The following PDE9A variants were observed in gnomAD, a reference collection of about 807,000 sequenced individuals.
PDE9A encodes high affinity cGMP-specific 3',5'-cyclic phosphodiesterase 9A.
A neutral mutation model predicts 87.4 loss-of-function variants in PDE9A; 60 were observed. The ratio of observed to expected loss-of-function variants is 0.69; its 90% CI spans 0.56 to 0.85. The LOEUF (loss-of-function observed/expected upper bound fraction) is 0.85. Among genes scored for constraint, PDE9A ranks in the 40% least tolerant of loss-of-function variants. The pLI, the probability that PDE9A is intolerant of heterozygous loss-of-function variation, is 0.00. For synonymous variants in PDE9A, 272 were observed against 279.4 expected, an observed-to-expected ratio of 0.97 and a Z score of 0.27; for missense variants, 665 against 779.0, an observed-to-expected ratio of 0.85 and a Z score of 1.74.
rs777268569 is a variant in PDE9A, at chr21:42,760,436, G to A, written c.1002+4G>A. 12 of 1,554,112 alleles carry A rather than the reference G, an allele frequency of 7.7e-6. No homozygotes were observed. On this transcript the variant is annotated splice_donor_region_variant and intron_variant, in intron 12 of 19. Transcript: ENST00000291539. This position sits in a 1 kb window ranked among gnomAD's most constrained non-coding sequence, Gnocchi z 5.2. The stretch of plus-strand genomic sequence containing the variant: ...GGTCTGGCTCTGCAGTCTCCAGGTG[G>A]GTCCTGCCCGCTGCACACCCAGACC...
At chr21:42,768,923 G>A in intron 16 of PDE9A, 104 bp from the exon 17 acceptor site, 1 of 1,509,230 alleles carries the variant, frequency 6.6e-7, no homozygotes, top group African/African-American at 1.4e-5. Context: ...GTGTGGTTTG[G>A]TTGGTTGGTG....
intron 19 of PDE9A, among the ~76,000 whole-genome samples, chr21:42,773,884 C>T (rs901292364): frequency 1.3e-5 from 2 of 151,220 alleles, no homozygotes; most frequent in Admixed American, 6.6e-5. Context: ...GTGGACGGAT[C>T]ACAAGGTCAG....
chr21:42,674,744 A>G (rs923285505), intron 1 of PDE9A, among the ~76,000 whole-genome samples: 3 of 152,168 alleles, frequency 2.0e-5, no homozygotes, highest in Non-Finnish European at 2.9e-5. Context: ...CACTCTTTAC[A>G]TGCCGATTTC....
chr21:42,745,800 G>C lies in PDE9A; in HGVS notation c.653+1940G>C, dbSNP rs560413470. On this transcript the variant is annotated intron_variant, in intron 8 of 19. Transcript: ENST00000291539. ...AAGCTGGGGCTGCGGGTGTAGCAGG[G>C]CCAGCCTTTCCAGCCCCACCAGCAG... Among the ~76,000 whole-genome samples, 703 of 152,252 alleles carry C rather than the reference G, an allele frequency of 4.6e-3. 6 individuals are homozygous for C. Among genetic ancestry groups the C allele is most frequent in the South Asian group, 0.013 (63 of 4,826 alleles).
intron 3 of PDE9A, among the ~76,000 whole-genome samples, chr21:42,697,682 T>A (rs543973375): frequency 6.6e-6 from 1 of 152,246 alleles, no homozygotes; most frequent in Non-Finnish European, 1.5e-5. Context: ...GCCTTCTGGC[T>A]GTGCCCTCAT....
rs75225742 is a variant in PDE9A, at chr21:42,770,791, T to A, written c.1679T>A (p.Met560Lys). 2 of 1,612,790 alleles carry A rather than the reference T, an allele frequency of 1.2e-6. No homozygotes were observed. The highest frequency in any genetic ancestry group is 2.2e-5 in the South Asian group (2 of 91,030). The change falls in exon 18 of 20, where the codon ATG (methionine) becomes AAG (lysine). Residue 560 changes from methionine (M) to lysine (K), a missense_variant. Coordinates refer to ENST00000291539, the MANE Select transcript of PDE9A (RefSeq NM_002606.3). Reference sequence around the variant, plus strand: ...GAGCTGAAGCGGATAGATGACGCCATGAAAGAGGTAAAACACACTGAGAAG... The same window carrying A: ...GAGCTGAAGCGGATAGATGACGCCAAGAAAGAGGTAAAACACACTGAGAAG... ...YEELKRIDDA[M>K]KELQKKTDSL... is the part of the protein sequence containing the mutation.
At chr21:42,740,602 GAT>G (rs2053047308) in intron 7 of PDE9A, among the ~76,000 whole-genome samples, 2 of 106,876 alleles carry the variant, frequency 1.9e-5, no homozygotes, top group African/African-American at 7.3e-5. Flanking sequence ...TGGATGGATG[GAT>G]GGATGGATGG....
At chr21:42,755,942 C>G (rs1292057520) in intron 10 of PDE9A, among the ~76,000 whole-genome samples, 1 of 152,240 alleles carries the variant, frequency 6.6e-6, no homozygotes, top group East Asian at 1.9e-4. Context: ...ACCCTTTGAG[C>G]ACGGGCCACT....
intron 4 of PDE9A, among the ~76,000 whole-genome samples, chr21:42,721,842 C>T (rs1216561389): frequency 7.0e-6 from 1 of 143,520 alleles, no homozygotes; most frequent in Admixed American, 6.7e-5. Flanking sequence ...CCTGCTCCCA[C>T]CCCCCACAAT....
Position 42,759,096 on chromosome 21 carries a change from A to T in PDE9A, c.897+11A>T, listed in dbSNP as rs2055392270. 1.2e-6 allele frequency: 2 copies of T among 1,604,248 alleles called. No individual in the cohort carries two copies. Among genetic ancestry groups the T allele is most frequent in the Non-Finnish European group, 1.7e-6 (2 of 1,171,086 alleles). On this transcript the variant is annotated intron_variant, in intron 11 of 19. Coordinates refer to ENST00000291539, the MANE Select transcript of PDE9A (RefSeq NM_002606.3). The surrounding 1 kb of genome is among the most constrained non-coding windows in gnomAD (Gnocchi z 7.2). ...CTCAGGAGGTGGCTGGTGAGTGCCA[A>T]ACCCGCCTTCGGTTCTTCCTGGGCA...
rs751254310 is a variant in PDE9A, at chr21:42,660,361, G to C, written c.69+6478G>C. Among the ~76,000 whole-genome samples the C allele has an allele frequency of 6.6e-6, 1 of 152,174 alleles. No individual in the cohort carries two copies. The highest frequency in any genetic ancestry group is 2.4e-5 in the African/African-American group (1 of 41,444). On this transcript the variant is annotated intron_variant, in intron 1 of 19. Coordinates refer to ENST00000291539, the MANE Select transcript of PDE9A (RefSeq NM_002606.3). The surrounding 1 kb of genome is among the most constrained non-coding windows in gnomAD (Gnocchi z 4.7). ...GAGCAGGTGCGGGGCCTGCAGGGAC[G>C]GCTCGCAGAGAAGGCAGTTTGCGAG... is the stretch of plus-strand genomic sequence containing the variant.
intron 1 of PDE9A, among the ~76,000 whole-genome samples, chr21:42,667,780 C>T (rs190167932): frequency 4.6e-5 from 7 of 152,248 alleles, no homozygotes; most frequent in African/African-American, 1.7e-4. Context: ...TCCCGACCCC[C>T]TGCTGTTTGG....
At chr21:42,731,313 T>A (rs2051709311) in intron 4 of PDE9A, among the ~76,000 whole-genome samples, 2 of 152,156 alleles carry the variant, frequency 1.3e-5, no homozygotes, top group African/African-American at 4.8e-5. Flanking sequence ...GAAATCAACA[T>A]AGAAGATGAC....
intron 1 of PDE9A, among the ~76,000 whole-genome samples, chr21:42,672,474 T>G (rs1285950313): frequency 6.6e-6 from 1 of 152,218 alleles, no homozygotes; most frequent in African/African-American, 2.4e-5. Flanking sequence ...GCATCATTAG[T>G]CACACAACAT....
At chr21:42,697,069 G>A (rs2060182486) in intron 3 of PDE9A, among the ~76,000 whole-genome samples, 1 of 152,196 alleles carries the variant, frequency 6.6e-6, no homozygotes, top group South Asian at 2.1e-4. Context: ...ATGAGAGGGT[G>A]TGGGCTCACT....
intron 1 of PDE9A, among the ~76,000 whole-genome samples, chr21:42,665,716 T>C (rs1284082231): frequency 6.6e-6 from 1 of 152,196 alleles, no homozygotes; most frequent in Non-Finnish European, 1.5e-5. Flanking sequence ...CCAGGCACCC[T>C]TGGAGCCCAG....
At chr21:42,736,044 G>A (rs911502344) in intron 7 of PDE9A, among the ~76,000 whole-genome samples, 1 of 152,034 alleles carries the variant, frequency 6.6e-6, no homozygotes, top group Admixed American at 6.5e-5. Context: ...CGGGGCGAGT[G>A]TGCAGATGCC....
At chr21:42,736,297 A>G (rs1238944881) in intron 7 of PDE9A, among the ~76,000 whole-genome samples, 2 of 152,172 alleles carry the variant, frequency 1.3e-5, no homozygotes, top group African/African-American at 2.4e-5. Context: ...CTGACCCTGG[A>G]AAATAACCAT....
intron 1 of PDE9A, among the ~76,000 whole-genome samples, chr21:42,666,991 C>T (rs1388171018): frequency 6.6e-6 from 1 of 152,218 alleles, no homozygotes; most frequent in Non-Finnish European, 1.5e-5. Context: ...CTCGCCCTCC[C>T]GGGCTCCAGG....
Sources: allele counts gnomAD v4.1 joint callset (sites outside exome capture counted in the v4.1 genomes callset), GRCh38; gene constraint gnomAD v4.1.1; non-coding constraint Gnocchi (gnomAD v3.1); transcripts MANE v1.5; gene names NCBI Gene and HGNC (gene_info 2026-07-23, HGNC 2026-07-21).